The following ZNF729 variants were observed in gnomAD, a reference collection of about 807,000 sequenced individuals.
The protein encoded by ZNF729 is zinc finger protein 729.
Under a neutral mutation model 12.2 loss-of-function variants are expected in ZNF729, and 15 were observed. The observed-to-expected ratio is 1.23, with a 90% CI of 0.82 to 1.89. The LOEUF is 1.89. Among genes scored for constraint, ZNF729 ranks in the 40% most tolerant of loss-of-function variants. ZNF729 has a pLI of 0.00. For missense variants in ZNF729, 1,540 were observed against 1,456.7 expected (o/e 1.06, Z -0.93); for synonymous variants, 492 against 476.3 (o/e 1.03, Z -0.43).
At chr19:22,313,598 A>G in intron 3 of ZNF729, 73 bp from the exon 4 acceptor site, 3 of 1,310,404 alleles carry the variant, frequency 2.3e-6, no homozygotes, top group South Asian at 2.0e-5. Context: ...GCATAATTTT[A>G]TAGGTTAGAT....
chr19:22,313,165 C>T (rs1968472410), intron 3 of ZNF729, among the ~76,000 whole-genome samples: 1 of 151,928 alleles, frequency 6.6e-6, no homozygotes. Flanking sequence ...CAAGTGATTG[C>T]CTCAGCCTCC....
At position 22,315,412 on chromosome 19, in the gene ZNF729, T is replaced by C. The variant is rs772539056; in HGVS notation, c.1995T>C (p.Phe665=). 4 of 1,613,228 alleles carry C rather than the reference T, an allele frequency of 2.5e-6. No homozygotes were observed. The East Asian group carries it at 8.9e-5, about 36-fold the overall frequency. The change falls in exon 4 of 4, where the codon TTT becomes TTC. Residue 665 remains phenylalanine (F), a synonymous_variant. Coordinates refer to ENST00000601693, the MANE Select transcript of ZNF729 (RefSeq NM_001242680.2). Reference sequence around the variant, plus strand: ...AATGTGAAGAATGTGGCAAAGCTTTTAGCCATTTCTCAGCCCTTAGAAGAC... The same window carrying C: ...AATGTGAAGAATGTGGCAAAGCTTTCAGCCATTTCTCAGCCCTTAGAAGAC... ...PYKCEECGKA[F]SHFSALRRHK...
intron 3 of ZNF729, among the ~76,000 whole-genome samples, chr19:22,307,221 A>G (rs1968389376): frequency 6.6e-6 from 1 of 150,920 alleles, no homozygotes; most frequent in Non-Finnish European, 1.5e-5. Context: ...TTTTGTGCTG[A>G]TCTTGAACTC....
intron 1 of ZNF729, among the ~76,000 whole-genome samples, chr19:22,296,158 G>T (rs1221858036): frequency 1.3e-5 from 2 of 152,156 alleles, no homozygotes; most frequent in African/African-American, 4.8e-5. Flanking sequence ...AGCTAAGGAG[G>T]AGTCCCTTCT....
chr19:22,290,133 C>G (rs1013206299), intron 1 of ZNF729, among the ~76,000 whole-genome samples: 11 of 152,124 alleles, frequency 7.2e-5, no homozygotes, highest in African/African-American at 2.2e-4. Flanking sequence ...ACTGAGCCTG[C>G]AAAAGGAAGT....
chr19:22,288,133 C>G (rs531691664), intron 1 of ZNF729, among the ~76,000 whole-genome samples: 11 of 152,144 alleles, frequency 7.2e-5, no homozygotes, highest in African/African-American at 2.6e-4. Flanking sequence ...CGTGAGTCAC[C>G]GTGCCCAGCC....
At chr19:22,289,531 T>G (rs1568569822) in intron 1 of ZNF729, among the ~76,000 whole-genome samples, 1 of 152,178 alleles carries the variant, frequency 6.6e-6, no homozygotes, top group Non-Finnish European at 1.5e-5. Flanking sequence ...GGCAAAAATT[T>G]GTATTTACCC....
At chr19:22,311,159 T>C (rs2145055854) in intron 3 of ZNF729, among the ~76,000 whole-genome samples, 1 of 152,264 alleles carries the variant, frequency 6.6e-6, no homozygotes, top group South Asian at 2.1e-4. Context: ...CATTTATCTT[T>C]TGGTTTTTGT....
At position 22,286,459 on chromosome 19, in the gene ZNF729, T is replaced by C. The variant is rs935621117; in HGVS notation, c.-67T>C. 3 of 1,602,248 alleles carry C rather than the reference T, an allele frequency of 1.9e-6. No individual in the cohort carries two copies. Among genetic ancestry groups the C allele is most frequent in the Non-Finnish European group, 2.6e-6 (3 of 1,173,838 alleles). On this transcript the variant is annotated 5_prime_UTR_variant, in exon 1 of 4. Coordinates refer to ENST00000601693, the MANE Select transcript of ZNF729 (RefSeq NM_001242680.2). ...TGCAGCCGCAGTTCCCGGTCTCGCC[T>C]TCACTGCTGTGTGTCCTCAGCCTCT...
At position 22,316,227 on chromosome 19, in the gene ZNF729, A is replaced by G; in HGVS notation, c.2810A>G (p.Lys937Arg). 3 of 1,613,618 alleles carry G rather than the reference A, an allele frequency of 1.9e-6. No individual in the cohort carries two copies. Among genetic ancestry groups the G allele is most frequent in the Non-Finnish European group, 2.5e-6 (3 of 1,179,776 alleles). ...ATTCATACTGGAAAGAAACCCTACAAATGTGAAGAATGTGGCAAAGCTTTT... is the reference window on the plus strand; with the variant it reads ...ATTCATACTGGAAAGAAACCCTACAGATGTGAAGAATGTGGCAAAGCTTTT... ...KIIHTGKKPY[K>R]CEECGKAFND... The change falls in exon 4 of 4, where the codon AAA (lysine) becomes AGA (arginine). Residue 937 changes from lysine (K) to arginine (R), a missense_variant. Coordinates refer to ENST00000601693, the MANE Select transcript of ZNF729 (RefSeq NM_001242680.2).
intron 1 of ZNF729, among the ~76,000 whole-genome samples, chr19:22,302,743 A>G (rs368049834): frequency 3.9e-4 from 59 of 152,416 alleles, no homozygotes; most frequent in African/African-American, 1.2e-3. Flanking sequence ...TGGAGGCCTT[A>G]TTTAGGTCAG....
chr19:22,294,447 G>C (rs75252523), intron 1 of ZNF729, among the ~76,000 whole-genome samples: 1 of 151,882 alleles, frequency 6.6e-6, no homozygotes, highest in Non-Finnish European at 1.5e-5. Context: ...TTGGCTACTC[G>C]GGCTCTTTTT....
At chr19:22,312,245 C>T (rs1240398835) in intron 3 of ZNF729, among the ~76,000 whole-genome samples, 1 of 151,970 alleles carries the variant, frequency 6.6e-6, no homozygotes, top group African/African-American at 2.4e-5. Flanking sequence ...AAATTTTATA[C>T]TTTTTTTGAT....
rs1476536211 is a variant in ZNF729, at chr19:22,314,063, G to C, written c.646G>C (p.Ala216Pro). 6.5e-7 allele frequency: 1 copy of C among 1,543,402 alleles called. No homozygotes were observed. Among genetic ancestry groups the C allele is most frequent in the Non-Finnish European group, 8.7e-7 (1 of 1,146,064 alleles). The change falls in exon 4 of 4, where the codon GCC becomes CCC. Residue 216 changes from alanine to proline, a missense_variant. Transcript: ENST00000601693. Reference sequence around the variant, plus strand: ...CTACAAATGTGAAGAACGTGGCAAAGCCTTTAAATCGTTCTCAACCCTTAC... The same window carrying C: ...CTACAAATGTGAAGAACGTGGCAAACCCTTTAAATCGTTCTCAACCCTTAC... ...NIYKCEERGK[A>P]FKSFSTLTKH...
At chr19:22,307,964 A>C (rs1483547163) in intron 3 of ZNF729, among the ~76,000 whole-genome samples, 1 of 151,698 alleles carries the variant, frequency 6.6e-6, no homozygotes, top group Non-Finnish European at 1.5e-5. Flanking sequence ...TGCACTCATC[A>C]CCCGAGCTGT....
At chr19:22,287,417 C>T (rs564944413) in intron 1 of ZNF729, among the ~76,000 whole-genome samples, 2 of 152,060 alleles carry the variant, frequency 1.3e-5, no homozygotes, top group East Asian at 3.9e-4. Flanking sequence ...CAGGCATGTG[C>T]CACCACGCCG....
intron 3 of ZNF729, among the ~76,000 whole-genome samples, chr19:22,312,582 T>G (rs1466098062): frequency 6.6e-6 from 1 of 152,122 alleles, no homozygotes; most frequent in African/African-American, 2.4e-5. Context: ...ACATCTAACT[T>G]TGGTCTCAGC....
intron 1 of ZNF729, among the ~76,000 whole-genome samples, chr19:22,298,220 CA>C (rs1190644167): frequency 6.6e-6 from 1 of 151,740 alleles, no homozygotes; most frequent in South Asian, 2.1e-4. Context: ...AATATAAGGC[CA>C]AAACATTTAC....
At chr19:22,304,650 A>G (rs1968356639) in intron 2 of ZNF729, 38 bp from the exon 3 acceptor site, 4 of 1,543,950 alleles carry the variant, frequency 2.6e-6, no homozygotes, top group East Asian at 2.4e-5. Flanking sequence ...TTTGGGTAAT[A>G]TGACCAATAT....
Sources: allele counts gnomAD v4.1 joint callset (sites outside exome capture counted in the v4.1 genomes callset), GRCh38; gene constraint gnomAD v4.1.1; transcripts MANE v1.5; gene names NCBI Gene and HGNC (gene_info 2026-07-23, HGNC 2026-07-21).